The following MAOA variants were observed in gnomAD, a reference collection of about 807,000 sequenced individuals.
MAOA encodes monoamine oxidase A.
Under a neutral mutation model 42.0 loss-of-function variants are expected in MAOA, and 6 were observed. The observed-to-expected ratio is 0.14, with a 90% CI of 0.08 to 0.28. MAOA has a LOEUF of 0.28. MAOA is among the 10% of genes least tolerant of loss of function. The pLI is 1.00. For missense variants in MAOA, 262 were observed against 422.3 expected (o/e 0.62, Z 3.33); for synonymous variants, 140 against 154.0 (o/e 0.91, Z 0.67).
intron 1 of MAOA, among the ~76,000 whole-genome samples, chrX:43,674,806 C>T (rs1394791089): frequency 2.7e-5 from 3 of 109,250 alleles, no homozygotes; most frequent in East Asian, 2.8e-4. Context: ...GAGTTTCTGC[C>T]GAGAGATCCG....
chrX:43,698,838 G>A (rs768267326), intron 3 of MAOA, among the ~76,000 whole-genome samples: 72 of 112,034 alleles, frequency 6.4e-4, no homozygotes, highest in African/African-American at 2.3e-3. Context: ...TTATTGGGGA[G>A]ATTATATCTG....
chrX:43,675,651 C>T (rs1420425978), intron 1 of MAOA, among the ~76,000 whole-genome samples: 1 of 112,339 alleles, frequency 8.9e-6, no homozygotes, highest in Non-Finnish European at 1.9e-5. Flanking sequence ...GTTAGTTTCC[C>T]TTCTAACAGA....
intron 5 of MAOA, among the ~76,000 whole-genome samples, chrX:43,726,014 C>T (rs1442025125): frequency 2.7e-5 from 3 of 111,989 alleles, no homozygotes; most frequent in Non-Finnish European, 5.6e-5. Flanking sequence ...TCTCTTCTGG[C>T]TTGTAGGGTT....
intron 1 of MAOA, among the ~76,000 whole-genome samples, chrX:43,678,160 G>A (rs1010869519): frequency 1.8e-5 from 2 of 111,417 alleles, no homozygotes; most frequent in African/African-American, 3.3e-5. Flanking sequence ...AACAGTCCCC[G>A]CTTCCCACTG....
chrX:43,730,740 A>G (rs949825340), intron 6 of MAOA, among the ~76,000 whole-genome samples: 1 of 110,642 alleles, frequency 9.0e-6, no homozygotes, highest in African/African-American at 3.3e-5. Flanking sequence ...TAGTAGGACT[A>G]GTAGGACGTG....
chrX:43,708,726 G>A (rs1342299716), intron 3 of MAOA, among the ~76,000 whole-genome samples: 37 of 105,600 alleles, frequency 3.5e-4, no homozygotes, highest in African/African-American at 1.1e-3. Context: ...GTAGTGGCAC[G>A]ATATCGGCTC....
At chrX:43,733,512 C>A (rs1462309731) in intron 9 of MAOA, among the ~76,000 whole-genome samples, 1 of 111,729 alleles carries the variant, frequency 9.0e-6, no homozygotes, top group South Asian at 3.8e-4. Flanking sequence ...GGTGTCCCCA[C>A]AAATGAATTG....
intron 6 of MAOA, among the ~76,000 whole-genome samples, chrX:43,730,875 T>A (rs766373105): frequency 4.5e-5 from 5 of 111,656 alleles, no homozygotes; most frequent in Non-Finnish European, 9.4e-5. Context: ...TCCTCTGGAA[T>A]AAGCCCTGTG....
intron 3 of MAOA, among the ~76,000 whole-genome samples, chrX:43,705,611 T>C (rs915064509): frequency 8.9e-6 from 1 of 112,235 alleles, no homozygotes; most frequent in Non-Finnish European, 1.9e-5. Context: ...AAATTGGTCT[T>C]CATCAAAAAA....
rs190680792 is a variant in MAOA, at chrX:43,713,103, G to T, written c.503+307G>T. Among the ~76,000 whole-genome samples the T allele has an allele frequency of 2.9e-4, 32 of 112,230 alleles. No homozygotes were observed. In the East Asian group the frequency reaches 7.0e-3, roughly 24 times the overall value. ...GTTGCCTACAAAAGCAGTTTGAAAA[G>T]ATATTTTTTAAAAATGTGGTACATT... On this transcript the variant is annotated intron_variant, in intron 5 of 14. Transcript: ENST00000338702.
At position 43,705,783 on chromosome X, in the gene MAOA, C is replaced by A. The variant is rs781697714; in HGVS notation, c.307-6089C>A. 2.7e-5 allele frequency among the ~76,000 whole-genome samples: 3 copies of A among 111,386 alleles called. No individual in the cohort carries two copies. In the South Asian group the frequency reaches 1.1e-3, roughly 42 times the overall value. ...TAATAAAAAGACAAACAACCCAATT[C>A]AAAAATGGACAAAGGACTTGAATAG... is the stretch of plus-strand genomic sequence containing the variant. On this transcript the variant is annotated intron_variant, in intron 3 of 14. Transcript: ENST00000338702.
intron 10 of MAOA, among the ~76,000 whole-genome samples, chrX:43,736,774 T>TTTTC (rs1311912185): frequency 9.0e-6 from 1 of 110,682 alleles, no homozygotes; most frequent in Non-Finnish European, 1.9e-5. Flanking sequence ...GTTTTTTTTT[T>TTTTC]TTTCTTTCTT....
chrX:43,683,665 C>A, intron 2 of MAOA, 58 bp downstream of exon 2: 1 of 985,288 alleles, frequency 1.0e-6, no homozygotes. Flanking sequence ...ACAAGTGGCA[C>A]CACTGGAAAT....
At position 43,746,425 on chromosome X, in the gene MAOA, G is replaced by A. The variant is rs191501890; in HGVS notation, c.*1912G>A. On this transcript the variant is annotated 3_prime_UTR_variant, in exon 15 of 15. Coordinates refer to ENST00000338702, the MANE Select transcript of MAOA (RefSeq NM_000240.4). ...CTCACGATATGCAAGTTCATCCAAC[G>A]TGAAGATACCATAAGCTTTTTCTCT... 6.0e-4 allele frequency: 67 copies of A among 111,979 alleles called. No individual in the cohort carries two copies. The Admixed American group carries it at 6.4e-3, about 11-fold the overall frequency. The allele number at this position is 111,979 out of a possible 1,213,427, so 9.2% of individuals were successfully genotyped here.
chrX:43,705,372 G>C (rs1316395571), intron 3 of MAOA, among the ~76,000 whole-genome samples: 1 of 111,991 alleles, frequency 8.9e-6, no homozygotes, highest in Non-Finnish European at 1.9e-5. Context: ...AGTGCAAAAA[G>C]TAAAATAAGT....
chrX:43,716,599 A>G (rs149332511), intron 5 of MAOA, among the ~76,000 whole-genome samples: 2,443 of 110,859 alleles, frequency 0.022, 38 homozygotes, highest in Non-Finnish European at 0.036. Flanking sequence ...ACAGGATAGT[A>G]TCTTCCAGGA....
chrX:43,666,170 G>A (rs769239903), intron 1 of MAOA, among the ~76,000 whole-genome samples: 1 of 111,990 alleles, frequency 8.9e-6, no homozygotes, highest in South Asian at 3.7e-4. Flanking sequence ...GCACTGCAAC[G>A]TGCAGGCTCC....
chrX:43,676,671 C>A (rs1788073573), intron 1 of MAOA, among the ~76,000 whole-genome samples: 1 of 111,585 alleles, frequency 9.0e-6, no homozygotes, highest in Non-Finnish European at 1.9e-5. Context: ...GTGTCCACTG[C>A]ATGCCAGGTA....
chrX:43,711,789 G>T, intron 3 of MAOA, 83 bp from the exon 4 acceptor site: 5 of 724,820 alleles, frequency 6.9e-6, no homozygotes, highest in Non-Finnish European at 8.7e-6. Context: ...TCTTAGGTTG[G>T]TTGCTTTTTT....
Sources: gnomAD v4.1 joint callset for allele counts (sites outside exome capture counted in the v4.1 genomes callset) on GRCh38, gnomAD v4.1.1 for gene constraint, MANE v1.5 for transcripts, NCBI Gene and HGNC (gene_info 2026-07-23, HGNC 2026-07-21) for gene names.